MYO1E: variants seen among roughly 807,000 people sequenced by gnomAD.
MYO1E encodes unconventional myosin-Ie.
MYO1E carries 68 observed loss-of-function variants against 151.1 expected under a neutral mutation model. That is an observed-to-expected ratio of 0.45 (90% CI 0.37 to 0.55). MYO1E has a LOEUF of 0.55. Among genes scored for constraint, MYO1E ranks in the 20% least tolerant of loss-of-function variants. The pLI is 0.00. For missense variants in MYO1E, 1,363 were observed against 1,389.3 expected (o/e 0.98, Z 0.30); for synonymous variants, 601 against 501.7 (o/e 1.20, Z -2.64).
At chr15:59,268,720 A>AGTTTTTTTTTTTTTTTTTT (rs2080271247) in intron 2 of MYO1E, among the ~76,000 whole-genome samples, 1 of 44,906 alleles carries the variant, frequency 2.2e-5, no homozygotes, top group African/African-American at 5.8e-5. Context: ...TGACTTTGGT[A>AGTTTTTTTTTTTTTTTTTT]TTTTTTTTTT....
chr15:59,340,667 C>A (rs570569766), intron 1 of MYO1E, among the ~76,000 whole-genome samples: 1 of 152,026 alleles, frequency 6.6e-6, no homozygotes, highest in East Asian at 1.9e-4. Context: ...CATTTAATGT[C>A]CAAAGTAAAA....
chr15:59,315,804 A>C (rs2080585230), intron 1 of MYO1E, among the ~76,000 whole-genome samples: 1 of 152,210 alleles, frequency 6.6e-6, no homozygotes, highest in African/African-American at 2.4e-5. Flanking sequence ...GTTAATAAAA[A>C]TATTAAAATA....
At chr15:59,372,224 C>T (rs2140448575) in intron 1 of MYO1E, among the ~76,000 whole-genome samples, 1 of 152,236 alleles carries the variant, frequency 6.6e-6, no homozygotes, top group African/African-American at 2.4e-5. Context: ...CACACCCTGG[C>T]TTCCGACAGC....
intron 2 of MYO1E, among the ~76,000 whole-genome samples, chr15:59,261,722 C>G (rs112527000): frequency 6.6e-6 from 1 of 152,076 alleles, no homozygotes; most frequent in Non-Finnish European, 1.5e-5. Context: ...TACCAAGGTG[C>G]TACAAAATGA....
rs398027512 is a variant in MYO1E, at chr15:59,268,720, A to ATTTTTTTTTTTTTTTTTTTTTTTTT, written c.147+3585_147+3586insAAAAAAAAAAAAAAAAAAAAAAAAA. 5.5e-3 allele frequency among the ~76,000 whole-genome samples: 248 copies of ATTTTTTTTTTTTTTTTTTTTTTTTT among 44,910 alleles called. 91 individuals are homozygous for ATTTTTTTTTTTTTTTTTTTTTTTTT. Among genetic ancestry groups the ATTTTTTTTTTTTTTTTTTTTTTTTT allele is most frequent in the Non-Finnish European group, 8.5e-3 (173 of 20,426 alleles). 29.5% of individuals were successfully genotyped at this position (44,910 alleles called of 152,430 possible). A position where few individuals can be genotyped will look rare whatever the true frequency, so the allele number is the denominator to read the frequency against. On this transcript the variant is annotated intron_variant, in intron 2 of 27. Transcript: ENST00000288235. ...GTGATGGGTTCTGGGTGACTTTGGTATTTTTTTTTTTTTTTTTTTTTGCTT... is the reference window on the plus strand; with the variant it reads ...GTGATGGGTTCTGGGTGACTTTGGTATTTTTTTTTTTTTTTTTTTTTTTTTTTTTTTTTTTTTTTTTTTTTTGCTT...
chr15:59,198,970 G>C (rs190775542), intron 16 of MYO1E, among the ~76,000 whole-genome samples: 3 of 152,298 alleles, frequency 2.0e-5, no homozygotes, highest in South Asian at 2.1e-4. Flanking sequence ...CTCTGAGCTT[G>C]GTTCTGTTTC....
intron 4 of MYO1E, among the ~76,000 whole-genome samples, chr15:59,253,091 T>C (rs1255696259): frequency 1.3e-5 from 2 of 152,198 alleles, no homozygotes; most frequent in African/African-American, 2.4e-5. Flanking sequence ...CCTTGAAAAG[T>C]ATAACTGCAA....
intron 3 of MYO1E, among the ~76,000 whole-genome samples, chr15:59,260,226 C>T (rs1276698052): frequency 1.3e-5 from 2 of 152,206 alleles, no homozygotes; most frequent in South Asian, 2.1e-4. Context: ...TCATTGAGGA[C>T]GCCAAGCCAG....
chr15:59,199,777 T>C (rs2079789750), intron 16 of MYO1E, among the ~76,000 whole-genome samples: 2 of 152,196 alleles, frequency 1.3e-5, no homozygotes, highest in Non-Finnish European at 2.9e-5. Flanking sequence ...AGAATCCTTT[T>C]AAACGCTTAC....
At chr15:59,207,211 A>G (rs1281196469) in intron 14 of MYO1E, 1 of 1,614,234 alleles carries the variant, frequency 6.2e-7, no homozygotes, top group Admixed American at 1.7e-5. Context: ...CATCTTATTA[A>G]AAGGCTTGAG....
At position 59,270,295 on chromosome 15, in the gene MYO1E, T is replaced by C. The variant is rs60937210; in HGVS notation, c.147+2011A>G. Among the ~76,000 whole-genome samples, 743 of 152,282 alleles carry C rather than the reference T, an allele frequency of 4.9e-3. 7 individuals are homozygous for C. Among genetic ancestry groups the C allele is most frequent in the African/African-American group, 0.017 (710 of 41,556 alleles). Reference sequence around the variant, plus strand: ...TGCCAGGCGCAGTGGCTCATACGTGTAGTCCTAGCACTTTGGAAGGCCGAG... The same window carrying C: ...TGCCAGGCGCAGTGGCTCATACGTGCAGTCCTAGCACTTTGGAAGGCCGAG... On this transcript the variant is annotated intron_variant, in intron 2 of 27. Coordinates refer to ENST00000288235, the MANE Select transcript of MYO1E (RefSeq NM_004998.4).
At chr15:59,196,166 T>C (rs1249952475) in intron 16 of MYO1E, among the ~76,000 whole-genome samples, 2 of 152,190 alleles carry the variant, frequency 1.3e-5, no homozygotes, top group African/African-American at 2.4e-5. Flanking sequence ...AATATGGCCA[T>C]TTAAAAACCT....
chr15:59,206,910 TTC>T (rs1296759217), intron 14 of MYO1E: 15 of 1,588,922 alleles, frequency 9.4e-6, no homozygotes, highest in Middle Eastern at 3.4e-4. Flanking sequence ...CTTTTTTCCA[TTC>T]TCTCTCTCCA....
At chr15:59,150,635 G>A (rs938864639) in intron 26 of MYO1E, among the ~76,000 whole-genome samples, 8 of 152,188 alleles carry the variant, frequency 5.3e-5, no homozygotes, top group Non-Finnish European at 1.0e-4. Flanking sequence ...CCTGAAAGGT[G>A]TAGGTCTGGG....
At chr15:59,308,499 C>A (rs1264580724) in intron 1 of MYO1E, among the ~76,000 whole-genome samples, 1 of 151,766 alleles carries the variant, frequency 6.6e-6, no homozygotes, top group African/African-American at 2.4e-5. Flanking sequence ...TAGCAAAACC[C>A]CGTCTCTACT....
At chr15:59,216,622 C>CTATCTATCTATCT in intron 10 of MYO1E, among the ~76,000 whole-genome samples, 1 of 73,688 alleles carries the variant, frequency 1.4e-5, no homozygotes, top group African/African-American at 4.8e-5. Context: ...ATCTATCTAT[C>CTATCTATCTATCT]TTTTGGATCG....
intron 1 of MYO1E, among the ~76,000 whole-genome samples, chr15:59,356,474 C>T (rs1257072865): frequency 6.6e-6 from 1 of 152,196 alleles, no homozygotes; most frequent in African/African-American, 2.4e-5. Flanking sequence ...GAATGCTCCA[C>T]CTTGTAGGCA....
intron 16 of MYO1E, among the ~76,000 whole-genome samples, chr15:59,201,005 T>C (rs1351431248): frequency 6.6e-6 from 1 of 152,334 alleles, no homozygotes; most frequent in East Asian, 1.9e-4. Context: ...ATTCAGCTGG[T>C]ATAATTTTTA....
At chr15:59,326,070 C>G (rs1338046318) in intron 1 of MYO1E, among the ~76,000 whole-genome samples, 1 of 151,926 alleles carries the variant, frequency 6.6e-6, no homozygotes, top group Non-Finnish European at 1.5e-5. Context: ...CACCAAAACT[C>G]TCATTAAACT....
Sources: gnomAD v4.1 joint callset for allele counts (sites outside exome capture counted in the v4.1 genomes callset) on GRCh38, gnomAD v4.1.1 for gene constraint, MANE v1.5 for transcripts, NCBI Gene and HGNC (gene_info 2026-07-23, HGNC 2026-07-21) for gene names.